Variants in STMND1 observed in about 807,000 individuals in gnomAD.
STMND1 encodes stathmin domain containing 1.
A neutral mutation model predicts 23.0 loss-of-function variants in STMND1; 17 were observed. The ratio of observed to expected loss-of-function variants is 0.74; its 90% CI spans 0.51 to 1.11. STMND1 has a LOEUF of 1.11. Ranked by LOEUF, STMND1 falls within the 50% of genes least tolerant of loss-of-function variation. STMND1 has a pLI of 0.00. For missense variants in STMND1, 305 were observed against 329.1 expected, an observed-to-expected ratio of 0.93 and a Z score of 0.57; for synonymous variants, 114 against 119.9, an observed-to-expected ratio of 0.95 and a Z score of 0.32.
chr6:17,113,896 G>A (rs570623296), intron 1 of STMND1, among the ~76,000 whole-genome samples: 69 of 152,282 alleles, frequency 4.5e-4, no homozygotes, highest in African/African-American at 6.7e-4. Context: ...AATGCTCAGC[G>A]TAGTAGCTTT....
chr6:17,119,224 A>T (rs1208373565), intron 2 of STMND1, among the ~76,000 whole-genome samples: 1 of 152,200 alleles, frequency 6.6e-6, no homozygotes, highest in Non-Finnish European at 1.5e-5. Context: ...CACTGGACAG[A>T]TACTAAGATA....
chr6:17,119,709 A>G (rs553949082), intron 2 of STMND1, among the ~76,000 whole-genome samples: 4 of 152,136 alleles, frequency 2.6e-5, no homozygotes, highest in Admixed American at 2.0e-4. Flanking sequence ...TCAAAAAAAA[A>G]AAAAGAAAAG....
chr6:17,122,258 G>GT (rs920565670), intron 3 of STMND1, among the ~76,000 whole-genome samples: 6 of 150,560 alleles, frequency 4.0e-5, no homozygotes, highest in African/African-American at 9.8e-5. Context: ...GTTTGTTTGG[G>GT]TTTTTTTTTA....
chr6:17,125,500 G>A (rs1561925515), intron 3 of STMND1, among the ~76,000 whole-genome samples: 1 of 152,172 alleles, frequency 6.6e-6, no homozygotes, highest in Non-Finnish European at 1.5e-5. Context: ...TCTGGTCAAA[G>A]TTTATTCCCT....
chr6:17,113,514 C>A (rs1475031297), intron 1 of STMND1, among the ~76,000 whole-genome samples: 1 of 152,158 alleles, frequency 6.6e-6, no homozygotes, highest in Non-Finnish European at 1.5e-5. Flanking sequence ...TACAGTAACA[C>A]CAAGATTTGT....
At chr6:17,111,322 T>C (rs1341890858) in intron 1 of STMND1, among the ~76,000 whole-genome samples, 1 of 152,154 alleles carries the variant, frequency 6.6e-6, no homozygotes, top group Non-Finnish European at 1.5e-5. Context: ...GAAACACATA[T>C]TAATATAAAA....
chr6:17,126,906 T>C (rs1761314929), intron 3 of STMND1, among the ~76,000 whole-genome samples: 2 of 152,172 alleles, frequency 1.3e-5, no homozygotes. Context: ...TGCTTCACAG[T>C]TGAGAAAATT....
intron 2 of STMND1, 110 bp from the exon 3 acceptor site, chr6:17,120,497 C>A: frequency 1.3e-6 from 1 of 758,704 alleles, no homozygotes; most frequent in East Asian, 2.8e-5. Context: ...AGTGTTGAAA[C>A]TAAGATCTAA....
At chr6:17,129,306 CAG>C in intron 4 of STMND1, 63 bp downstream of exon 4, 2 of 1,477,652 alleles carry the variant, frequency 1.4e-6, no homozygotes, top group East Asian at 5.0e-5. Flanking sequence ...GATCTCACCC[CAG>C]AGCTTTCCTA....
intron 1 of STMND1, among the ~76,000 whole-genome samples, chr6:17,105,462 A>G (rs1197746396): frequency 2.6e-5 from 4 of 152,098 alleles, no homozygotes; most frequent in Non-Finnish European, 4.4e-5. Context: ...CCTGACCAAC[A>G]TGGAGAAACC....
chr6:17,117,425 T>A (rs1206289741), intron 2 of STMND1, among the ~76,000 whole-genome samples: 4 of 152,142 alleles, frequency 2.6e-5, no homozygotes, highest in Non-Finnish European at 4.4e-5. Context: ...ATTCAAATTT[T>A]GTCAATTGTC....
rs187668018 is a variant in STMND1, at chr6:17,110,122, C to G, written c.82-4840C>G. Among the ~76,000 whole-genome samples, 120 of 152,192 alleles carry G rather than the reference C, an allele frequency of 7.9e-4. 1 individual carries two copies. Among genetic ancestry groups the G allele is most frequent in the Non-Finnish European group, 1.2e-4 (8 of 68,048 alleles). Reference sequence around the variant, plus strand: ...TCCTTTTCTCCTTGTCCACTGGAAGCTCATTTATCAAGAACCAATTCAGGC... The same window carrying G: ...TCCTTTTCTCCTTGTCCACTGGAAGGTCATTTATCAAGAACCAATTCAGGC... On this transcript the variant is annotated intron_variant, in intron 1 of 4. Transcript: ENST00000536551.
intron 3 of STMND1, chr6:17,128,092 A>AT (rs1043304442): frequency 1.3e-5 from 2 of 152,178 alleles, no homozygotes; most frequent in Non-Finnish European, 1.5e-5. Context: ...TATCAGTTAT[A>AT]TTTTTTATAA....
chr6:17,113,022 A>C (rs1167674083), intron 1 of STMND1, among the ~76,000 whole-genome samples: 1 of 152,192 alleles, frequency 6.6e-6, no homozygotes, highest in Non-Finnish European at 1.5e-5. Context: ...CTACTGATTA[A>C]TAATATTGAA....
At chr6:17,126,072 T>TATATA (rs1561925825) in intron 3 of STMND1, among the ~76,000 whole-genome samples, 42 of 42,674 alleles carry the variant, frequency 9.8e-4, no homozygotes, top group Non-Finnish European at 1.6e-3. Flanking sequence ...ATATATATAT[T>TATATA]TTTTTTTTTT....
At chr6:17,107,268 C>CA (rs1365214469) in intron 1 of STMND1, among the ~76,000 whole-genome samples, 1 of 152,024 alleles carries the variant, frequency 6.6e-6, no homozygotes, top group African/African-American at 2.4e-5. Context: ...ACATCCATAC[C>CA]AAAAAACAAA....
chr6:17,118,063 T>C (rs1761183117), intron 2 of STMND1, among the ~76,000 whole-genome samples: 1 of 152,188 alleles, frequency 6.6e-6, no homozygotes, highest in Non-Finnish European at 1.5e-5. Flanking sequence ...CAACTCATTA[T>C]GTTTATGGGG....
rs9367941 is a variant in STMND1, at chr6:17,102,198, G to C, written c.-60G>C. On this transcript the variant is annotated 5_prime_UTR_variant, in exon 1 of 5. Transcript: ENST00000536551. ...GACCACCGGCGCCGGAGCGCGGCAG[G>C]GAGCGCTCGCGGGGGCGCACAGCAG... The C allele has an allele frequency of 4.1e-6, 6 of 1,467,696 alleles. No individual in the cohort carries two copies. Among genetic ancestry groups the C allele is most frequent in the African/African-American group, 1.5e-5 (1 of 68,002 alleles). 90.9% of individuals were successfully genotyped at this position (1,467,696 alleles called of 1,614,324 possible).
In STMND1 at chr6:17,130,858, C is replaced by A. The variant is rs1196034197; in HGVS notation, c.808C>A (p.Gln270Lys). ...CGTGGAGTCAGACATGTCCTACAAC[C>A]AAGCAGATGACATAGTCTACTAAGC... is the stretch of plus-strand genomic sequence containing the variant. ...GVVESDMSYN[Q>K]ADDIVY Residue 270 changes from glutamine to lysine, a missense_variant, in exon 5 of 5, where the codon CAA (glutamine) becomes AAA (lysine). Transcript: ENST00000536551. 2.6e-6 allele frequency: 4 copies of A among 1,530,016 alleles called. No homozygotes were observed. The South Asian group carries it at 3.6e-5, about 14-fold the overall frequency. The allele number at this position is 1,530,016 out of a possible 1,614,324, so 94.8% of individuals were successfully genotyped here.
Sources: gnomAD v4.1 joint callset for allele counts (sites outside exome capture counted in the v4.1 genomes callset) on GRCh38, gnomAD v4.1.1 for gene constraint, MANE v1.5 for transcripts, NCBI Gene and HGNC (gene_info 2026-07-23, HGNC 2026-07-21) for gene names.